CFAP47: variants seen among roughly 807,000 people sequenced by gnomAD.
CFAP47 encodes the protein cilia and flagella associated protein 47, also known as cilia- and flagella-associated protein 47.
A neutral mutation model predicts 148.1 loss-of-function variants in CFAP47; 29 were observed. That is an observed-to-expected ratio of 0.20 (90% confidence interval 0.15 to 0.27). The LOEUF (loss-of-function observed/expected upper bound fraction) is 0.27. Among genes scored for constraint, CFAP47 ranks in the 10% least tolerant of loss-of-function variants. The probability of loss-of-function intolerance (pLI) is 1.00; values close to 1 mark genes in which losing one functional copy is unlikely to be tolerated. For synonymous variants in CFAP47, 664 were observed against 577.3 expected (o/e 1.15, Z -2.15); for missense variants, 1,872 against 1,697.5 (o/e 1.10, Z -1.81).
At chrX:36,245,478 CTT>C (rs1433032062) in intron 48 of CFAP47, among the ~76,000 whole-genome samples, 1 of 111,998 alleles carries the variant, frequency 8.9e-6, no homozygotes, top group Non-Finnish European at 1.9e-5. Context: ...GATAAAAAAA[CTT>C]TAATAGAGTT....
chrX:36,075,065 T>C (rs980348542), intron 29 of CFAP47, among the ~76,000 whole-genome samples: 16 of 111,415 alleles, frequency 1.4e-4, no homozygotes, highest in African/African-American at 5.2e-4. Context: ...TGAATAATGC[T>C]GTAATAAACC....
chrX:36,066,465 G>A (rs892294181), intron 27 of CFAP47, among the ~76,000 whole-genome samples: 1 of 111,271 alleles, frequency 9.0e-6, no homozygotes, highest in Non-Finnish European at 1.9e-5. Context: ...CTATTCAGAA[G>A]AAATAGAGGC....
chrX:36,185,106 C>A (rs922493187), intron 40 of CFAP47, among the ~76,000 whole-genome samples: 4 of 110,714 alleles, frequency 3.6e-5, no homozygotes. Flanking sequence ...ATTTATTTTG[C>A]ACAGTTCTGG....
intron 29 of CFAP47, among the ~76,000 whole-genome samples, chrX:36,079,612 A>ATAGGT (rs1157323764): frequency 9.0e-6 from 1 of 111,108 alleles, no homozygotes; most frequent in Non-Finnish European, 1.9e-5. Context: ...CTTCCTTGAG[A>ATAGGT]TAGGTTCGAA....
At chrX:36,068,705 C>A (rs1382572827) in intron 27 of CFAP47, among the ~76,000 whole-genome samples, 2 of 107,255 alleles carry the variant, frequency 1.9e-5, no homozygotes, top group Non-Finnish European at 3.8e-5. Context: ...CGCCTGTAAT[C>A]CCAGCACTTT....
At position 36,384,948 on chromosome X, in the gene CFAP47, T is replaced by A; in HGVS notation, c.9506T>A (p.Leu3169His). 2 of 1,166,851 alleles carry A rather than the reference T, an allele frequency of 1.7e-6. No homozygotes were observed. Among genetic ancestry groups the A allele is most frequent in the Non-Finnish European group, 2.3e-6 (2 of 872,025 alleles). Residue 3169 changes from leucine (L) to histidine (H), a missense_variant, in exon 64 of 64, where the codon CTC becomes CAC. Physicochemically the swap from Leu to His is moderately conservative, Grantham distance 99. Transcript: ENST00000378653. ...PHNFVRENTK[L>H]IRTGVSSTIK... ...AATTTTGTCCGTGAAAATACTAAAC[T>A]CATAAGAACAGGGGTGTCTTCCACC...
chrX:36,352,003 A>C (rs1556017577), intron 59 of CFAP47, among the ~76,000 whole-genome samples: 1 of 111,443 alleles, frequency 9.0e-6, no homozygotes, highest in Non-Finnish European at 1.9e-5. Context: ...AGTTATTCTC[A>C]AACCCAGGAT....
At chrX:36,320,549 A>AT (rs1941470554) in intron 57 of CFAP47, among the ~76,000 whole-genome samples, 2 of 112,272 alleles carry the variant, frequency 1.8e-5, no homozygotes, top group Non-Finnish European at 3.8e-5. Flanking sequence ...TAATTGCTTA[A>AT]TGGCATACTT....
At chrX:36,369,832 C>T (rs781913711) in intron 62 of CFAP47, among the ~76,000 whole-genome samples, 2 of 111,770 alleles carry the variant, frequency 1.8e-5, no homozygotes, top group Non-Finnish European at 3.8e-5. Flanking sequence ...TTATTGGTTA[C>T]AAAGGGGTCA....
At position 36,025,711 on chromosome X, in the gene CFAP47, A is replaced by G. The variant is rs907805992; in HGVS notation, c.3557-5542A>G. 4.5e-5 allele frequency among the ~76,000 whole-genome samples: 5 copies of G among 112,106 alleles called. No homozygotes were observed. In the Admixed American group the frequency reaches 4.7e-4, roughly 11 times the overall value. On this transcript the variant is annotated intron_variant, in intron 22 of 63. Coordinates refer to ENST00000378653, the MANE Select transcript of CFAP47 (RefSeq NM_001304548.2). Reference sequence around the variant, plus strand: ...CAGTTTGATTGCTCATGAGGATGAGAATTTCCTACCTTTGCTTTTAATTGT... The same window carrying G: ...CAGTTTGATTGCTCATGAGGATGAGGATTTCCTACCTTTGCTTTTAATTGT...
At chrX:36,017,678 A>C (rs1420370035) in intron 22 of CFAP47, among the ~76,000 whole-genome samples, 1 of 111,663 alleles carries the variant, frequency 9.0e-6, no homozygotes, top group Non-Finnish European at 1.9e-5. Flanking sequence ...TTTTTTGTTG[A>C]AAATGAGTTC....
chrX:36,248,496 T>TCACACACACACACACACACACACACACA (rs60595897), intron 48 of CFAP47, among the ~76,000 whole-genome samples: 2 of 95,475 alleles, frequency 2.1e-5, no homozygotes, highest in African/African-American at 7.8e-5. Context: ...ACATATTATA[T>TCACACACACACACACACACACACACACA]CACACACACA....
At chrX:36,236,263 G>T (rs1401218158) in intron 47 of CFAP47, among the ~76,000 whole-genome samples, 186 bp downstream of exon 47, 1 of 111,987 alleles carries the variant, frequency 8.9e-6, no homozygotes, top group Non-Finnish European at 1.9e-5. Flanking sequence ...TAAACATCAT[G>T]AACATAACAA....
chrX:36,118,009 A>G (rs1342718769), intron 33 of CFAP47, among the ~76,000 whole-genome samples: 1 of 111,830 alleles, frequency 8.9e-6, no homozygotes, highest in Admixed American at 9.5e-5. Context: ...TCTTTTCCCC[A>G]GTGTATCTTC....
chrX:36,268,884 T>A (rs1556001435), intron 49 of CFAP47, among the ~76,000 whole-genome samples: 1 of 112,160 alleles, frequency 8.9e-6, no homozygotes, highest in African/African-American at 3.2e-5. Context: ...TTAGAAACTT[T>A]TCAAGTTTAA....
chrX:35,988,612 A>G lies in CFAP47; in HGVS notation c.2714-707A>G, dbSNP rs1379775927. Among the ~76,000 whole-genome samples the G allele has an allele frequency of 2.7e-5, 3 of 111,869 alleles. No homozygotes were observed. The Admixed American group carries it at 2.8e-4, about 11-fold the overall frequency. On this transcript the variant is annotated intron_variant, in intron 15 of 63. Transcript: ENST00000378653. ...CTTGTGATGGTAATTGATTTCTTTC[A>G]TTCCGTATCCTGTGCCTTTGAATCT...
intron 15 of CFAP47, among the ~76,000 whole-genome samples, chrX:35,985,331 G>A (rs1393564036): frequency 1.8e-5 from 2 of 110,890 alleles, no homozygotes; most frequent in African/African-American, 6.6e-5. Context: ...CCAGGGTGGT[G>A]GGATGCACTT....
intron 48 of CFAP47, among the ~76,000 whole-genome samples, chrX:36,248,348 T>C (rs1182610657): frequency 6.7e-5 from 7 of 105,101 alleles, no homozygotes; most frequent in Admixed American, 5.3e-4. Flanking sequence ...TATTTTTCTA[T>C]GCTTTCTTTA....
chrX:36,087,763 A>G (rs1390341596), intron 30 of CFAP47, among the ~76,000 whole-genome samples: 2 of 112,422 alleles, frequency 1.8e-5, no homozygotes, highest in African/African-American at 6.5e-5. Context: ...GGACATTTAT[A>G]TAAGAATGAA....
Sources: allele counts gnomAD v4.1 joint callset (sites outside exome capture counted in the v4.1 genomes callset), GRCh38; gene constraint gnomAD v4.1.1; transcripts MANE v1.5; gene names NCBI Gene and HGNC (gene_info 2026-07-23, HGNC 2026-07-21).